CENPF: variants seen among roughly 807,000 people sequenced by gnomAD.
CENPF encodes AH antigen.
In CENPF, 214 loss-of-function variants were observed where a neutral mutation model predicts 307.3. The observed-to-expected ratio is 0.70, with a 90% confidence interval of 0.62 to 0.78. CENPF has a LOEUF of 0.78. Among genes scored for constraint, CENPF ranks in the 30% least tolerant of loss-of-function variants. The pLI is 0.00. For synonymous variants in CENPF, 1,259 were observed against 1,270.6 expected (o/e 0.99, Z 0.19); for missense variants, 3,401 against 3,483.9 (o/e 0.98, Z 0.60).
chr1:214,641,851 A>G lies in CENPF; in HGVS notation c.3513A>G (p.Ser1171=), dbSNP rs760294834. Residue 1171 remains serine (S), a synonymous_variant, in exon 12 of 20, where the codon TCA becomes TCG. Coordinates refer to ENST00000366955, the MANE Select transcript of CENPF (RefSeq NM_016343.4). The part of the protein sequence containing the change: ...KTKHECQNLE[S]EPIRNSVKER... ...AACATGAATGTCAAAATCTAGAATC[A>G]GAACCAATTAGGAACTCTGTGAAAG... The G allele has an allele frequency of 6.2e-7, 1 of 1,609,312 alleles. No homozygotes were observed. Among genetic ancestry groups the G allele is most frequent in the South Asian group, 1.1e-5 (1 of 89,484 alleles).
At chr1:214,635,155 C>T (rs1657920357) in intron 10 of CENPF, among the ~76,000 whole-genome samples, 2 of 152,172 alleles carry the variant, frequency 1.3e-5, no homozygotes. Flanking sequence ...ACTAGGTCCT[C>T]TAAGGAGCTG....
rs541608275 is a variant in CENPF at position 214,662,804 on chromosome 1, A to T, written c.9142-787A>T. ...TATAAATTTCAATTTTTTTTTTTTTAAATCTTGCTCTGTCCCCCAGGCTGG... is the reference window on the plus strand; with the variant it reads ...TATAAATTTCAATTTTTTTTTTTTTTAATCTTGCTCTGTCCCCCAGGCTGG... On this transcript the variant is annotated intron_variant, in intron 19 of 19. Coordinates refer to ENST00000366955, the MANE Select transcript of CENPF (RefSeq NM_016343.4). Among the ~76,000 whole-genome samples, 188 of 147,022 alleles carry T rather than the reference A, an allele frequency of 1.3e-3. 1 individual carries two copies. Among genetic ancestry groups the T allele is most frequent in the Non-Finnish European group, 1.9e-3 (128 of 66,656 alleles).
At chr1:214,625,274 G>A (rs1030137277) in intron 7 of CENPF, among the ~76,000 whole-genome samples, 12 of 152,076 alleles carry the variant, frequency 7.9e-5, no homozygotes, top group African/African-American at 2.4e-4. Context: ...GAGTGCAGAG[G>A]CGTGATCTCA....
chr1:214,632,633 C>T, intron 10 of CENPF, 31 bp downstream of exon 10: 1 of 1,609,922 alleles, frequency 6.2e-7, no homozygotes, highest in Non-Finnish European at 8.5e-7. Flanking sequence ...ATTTTCTCCA[C>T]TTATGTAAGA....
intron 19 of CENPF, among the ~76,000 whole-genome samples, chr1:214,661,653 C>T (rs1311679122): frequency 1.3e-5 from 2 of 152,202 alleles, no homozygotes; most frequent in East Asian, 1.9e-4. Flanking sequence ...ACAAGGGAGA[C>T]AGCGCTTGTA....
At chr1:214,653,143 T>TA in intron 16 of CENPF, 154 bp downstream of exon 16, 1 of 723,458 alleles carries the variant, frequency 1.4e-6, no homozygotes, top group Non-Finnish European at 2.5e-6. Flanking sequence ...TGAGTTATCT[T>TA]TAAAAAAAAT....
chr1:214,608,635 T>C (rs1409467675), intron 1 of CENPF: 3 of 1,604,792 alleles, frequency 1.9e-6, no homozygotes, highest in Admixed American at 1.7e-5. Flanking sequence ...CTCCGTCAGG[T>C]GCAGCTTCCA....
At chr1:214,627,369 CTTTTTT>C (rs10686407) in intron 7 of CENPF, among the ~76,000 whole-genome samples, 34 of 83,968 alleles carry the variant, frequency 4.0e-4, no homozygotes, top group Non-Finnish European at 6.8e-4. Context: ...CCCTCAGGCT[CTTTTTT>C]TTTTTTTTTT....
chr1:214,618,669 A>T lies in CENPF; in HGVS notation c.456A>T (p.Pro152=), dbSNP rs750966764. Residue 152 remains proline (P), a synonymous_variant, in exon 4 of 20, where the codon CCA becomes CCT. Coordinates refer to ENST00000366955, the MANE Select transcript of CENPF (RefSeq NM_016343.4). ...CNTPQKIFTT[P]LTPSQYYSGS... is the part of the protein sequence containing the mutation. ...CACCACAAAAAATTTTTACAACTCC[A>T]CTAACACCAAGTCAATATTATAGTG... is the stretch of plus-strand genomic sequence containing the variant. 9 of 1,613,892 alleles carry T rather than the reference A, an allele frequency of 5.6e-6. No individual in the cohort carries two copies. In the African/African-American group the frequency reaches 9.3e-5, roughly 17 times the overall value.
At chr1:214,661,115 G>A (rs1658777095) in intron 19 of CENPF, among the ~76,000 whole-genome samples, 1 of 152,212 alleles carries the variant, frequency 6.6e-6, no homozygotes, top group Admixed American at 6.5e-5. Context: ...CCTCACTGCT[G>A]TTGAATCTGC....
intron 19 of CENPF, among the ~76,000 whole-genome samples, chr1:214,661,768 A>G (rs1658792617): frequency 6.6e-6 from 1 of 151,650 alleles, no homozygotes; most frequent in Non-Finnish European, 1.5e-5. Flanking sequence ...GGGATCTTGC[A>G]TTTTTTCCTA....
Position 214,615,007 on chromosome 1 carries a change from A to T in CENPF, c.338A>T (p.Lys113Ile). ...AATTCAGGCAAAAAACAAATAGAAA[A>T]ACTGGAACAGGAACTTAAAAGGTAA... ...QLNSGKKQIEKLEQELKRCKS... is the reference protein window; with the variant it reads ...QLNSGKKQIEILEQELKRCKS... Residue 113 changes from lysine to isoleucine, a missense_variant, in exon 3 of 20, where the codon AAA becomes ATA. Lys to Ile is a moderately radical substitution (Grantham distance 102). Coordinates refer to ENST00000366955, the MANE Select transcript of CENPF (RefSeq NM_016343.4). 2.5e-6 allele frequency: 4 copies of T among 1,602,120 alleles called. No individual in the cohort carries two copies. Among genetic ancestry groups the T allele is most frequent in the Non-Finnish European group, 3.4e-6 (4 of 1,175,902 alleles).
At chr1:214,627,127 G>C (rs753138558) in intron 7 of CENPF, among the ~76,000 whole-genome samples, 1 of 152,010 alleles carries the variant, frequency 6.6e-6, no homozygotes, top group Non-Finnish European at 1.5e-5. Flanking sequence ...GGAGTGCAGT[G>C]AAGTGATCCT....
chr1:214,629,732 A>G (rs1299314986), intron 8 of CENPF, among the ~76,000 whole-genome samples: 3 of 151,900 alleles, frequency 2.0e-5, no homozygotes. Flanking sequence ...TTGTATTTTT[A>G]GTAGAGATGG....
chr1:214,647,401 G>A lies in CENPF; in HGVS notation c.7830+1G>A. 1 of 1,603,216 alleles carries A rather than the reference G, an allele frequency of 6.2e-7. No individual in the cohort carries two copies. Among genetic ancestry groups the A allele is most frequent in the Non-Finnish European group, 8.5e-7 (1 of 1,174,422 alleles). On this transcript the variant is annotated splice_donor_variant, in intron 13 of 19. Transcript: ENST00000366955. LOFTEE classifies it high-confidence loss of function. Reference sequence around the variant, plus strand: ...GGACAAAATGTCCTTTGTTGAAAAAGTAAGTGGCTATATCTGTTTATGTTT... The same window carrying A: ...GGACAAAATGTCCTTTGTTGAAAAAATAAGTGGCTATATCTGTTTATGTTT...
chr1:214,617,317 G>A (rs1363376867), intron 3 of CENPF, among the ~76,000 whole-genome samples: 2 of 152,102 alleles, frequency 1.3e-5, no homozygotes, highest in Non-Finnish European at 2.9e-5. Flanking sequence ...CAAAGTGCTG[G>A]GATTACAGGC....
intron 12 of CENPF, among the ~76,000 whole-genome samples, chr1:214,643,892 A>G (rs1427925439): frequency 6.6e-6 from 1 of 152,218 alleles, no homozygotes; most frequent in African/African-American, 2.4e-5. Context: ...AATTGCTTGT[A>G]ACTTTGTCCT....
Position 214,614,828 on chromosome 1 carries a change from T to C in CENPF, c.163-4T>C. 6.4e-7 allele frequency: 1 copy of C among 1,563,094 alleles called. No individual in the cohort carries two copies. On this transcript the variant is annotated splice_region_variant and splice_polypyrimidine_tract_variant and intron_variant, in intron 2 of 19. Transcript: ENST00000366955. Reference sequence around the variant, plus strand: ...GTTATTGTCTTCTGAACAATTCTCATTAGGTTGAAAATGAAAAAACCGAGG... The same window carrying C: ...GTTATTGTCTTCTGAACAATTCTCACTAGGTTGAAAATGAAAAAACCGAGG...
chr1:214,623,544 T>TTTG (rs149516983), intron 7 of CENPF, among the ~76,000 whole-genome samples: 11 of 152,048 alleles, frequency 7.2e-5, no homozygotes, highest in East Asian at 1.9e-4. Flanking sequence ...AGCCTGTTAT[T>TTTG]TTGTTGTTGT....
Sources: gnomAD v4.1 joint callset for allele counts (sites outside exome capture counted in the v4.1 genomes callset) on GRCh38, gnomAD v4.1.1 for gene constraint, MANE v1.5 for transcripts, NCBI Gene and HGNC (gene_info 2026-07-23, HGNC 2026-07-21) for gene names.